Variants in CDKN2B-AS1 observed in about 807,000 individuals in gnomAD.
CDKN2B-AS1 encodes the protein CDKN2B antisense RNA 1 (non-protein coding).
intron 3 of CDKN2B-AS1, among the ~76,000 whole-genome samples, chr9:22,052,217 C>T (rs978281464): frequency 6.6e-6 from 1 of 152,072 alleles, no homozygotes; most frequent in African/African-American, 2.4e-5. Context: ...CTTGGAATTT[C>T]GAGGCTGGAT....
intron 4 of CDKN2B-AS1, among the ~76,000 whole-genome samples, chr9:22,067,729 A>G (rs1824118698): frequency 6.6e-6 from 1 of 152,164 alleles, no homozygotes; most frequent in African/African-American, 2.4e-5. Flanking sequence ...TTTTTTTGAA[A>G]ACAATAATGT....
Position 22,076,012 on chromosome 9 carries a change from T to C in CDKN2B-AS1, n.438+19625T>C, listed in dbSNP as rs916507402. On this transcript the variant is annotated intron_variant and non_coding_transcript_variant, in intron 4 of 4. Transcript: ENST00000650946. Reference sequence around the variant, plus strand: ...TCCTTTTAAAGTCAGGTATGATTGATAGGAAAGTCAAGTACTGGCATCCTC... The same window carrying C: ...TCCTTTTAAAGTCAGGTATGATTGACAGGAAAGTCAAGTACTGGCATCCTC... Among the ~76,000 whole-genome samples, 3 of 152,168 alleles carry C rather than the reference T, an allele frequency of 2.0e-5. 1 individual carries two copies. The highest frequency in any genetic ancestry group is 7.2e-5 in the African/African-American group (3 of 41,440).
intron 4 of CDKN2B-AS1, among the ~76,000 whole-genome samples, chr9:22,068,761 A>G (rs1199588004): frequency 6.6e-6 from 1 of 152,234 alleles, no homozygotes; most frequent in Non-Finnish European, 1.5e-5. Context: ...AATCAAGCAA[A>G]TGAAACATAA....
At chr9:22,014,694 G>C (rs949752063) in intron 1 of CDKN2B-AS1, among the ~76,000 whole-genome samples, 2 of 151,660 alleles carry the variant, frequency 1.3e-5, no homozygotes, top group Non-Finnish European at 2.9e-5. Flanking sequence ...GTGCCATGCT[G>C]GTGTGCTGCA....
intron 1 of CDKN2B-AS1, chr9:22,008,990 C>G (rs768552154): frequency 3.1e-6 from 5 of 1,613,456 alleles, no homozygotes; most frequent in Non-Finnish European, 4.2e-6. Context: ...CCGGATAATC[C>G]ACCGTTGGCC....
intron 4 of CDKN2B-AS1, among the ~76,000 whole-genome samples, chr9:22,074,805 C>G (rs1026665121): frequency 6.6e-6 from 1 of 152,218 alleles, no homozygotes; most frequent in Non-Finnish European, 1.5e-5. Flanking sequence ...CTGGAAAGCT[C>G]TATCTGGTTT....
chr9:22,008,671 A>G (rs1377393431), intron 1 of CDKN2B-AS1: 1 of 1,607,636 alleles, frequency 6.2e-7, no homozygotes, highest in African/African-American at 1.3e-5. Context: ...CGTGGAATGC[A>G]CACCTCCGGC....
chr9:22,005,367 CGAGG>C lies in CDKN2B-AS1; in HGVS notation n.29+10208_29+10211del. Reference sequence around the variant, plus strand: ...CCCTCTGCTATCTGGTGGAGTTGGGCGAGGGTCTCCAGGGCTTCCAGAGAGTGTC... The same window carrying C: ...CCCTCTGCTATCTGGTGGAGTTGGGCGTCTCCAGGGCTTCCAGAGAGTGTC... On this transcript the variant is annotated intron_variant and non_coding_transcript_variant, in intron 1 of 4. Coordinates refer to ENST00000650946, the Ensembl canonical transcript of CDKN2B-AS1. The surrounding 1 kb of genome is among the most constrained non-coding windows in gnomAD (Gnocchi z 4.9). 4.1e-6 allele frequency: 1 copy of C among 242,764 alleles called. No individual in the cohort carries two copies. Among genetic ancestry groups the C allele is most frequent in the Admixed American group, 5.1e-5 (1 of 19,752 alleles). The allele number at this position is 242,764 out of a possible 1,614,324, so 15.0% of individuals were successfully genotyped here. A position where few individuals can be genotyped will look rare whatever the true frequency, so the allele number is the denominator to read the frequency against.
At chr9:22,111,883 G>T (rs1391508448) in intron 4 of CDKN2B-AS1, among the ~76,000 whole-genome samples, 2 of 152,132 alleles carry the variant, frequency 1.3e-5, no homozygotes, top group African/African-American at 4.8e-5. Context: ...AGTGTTTGGT[G>T]TGGCAGTGAG....
intron 1 of CDKN2B-AS1, among the ~76,000 whole-genome samples, chr9:22,018,664 A>G (rs1351115580): frequency 6.6e-6 from 1 of 152,228 alleles, no homozygotes; most frequent in East Asian, 1.9e-4. Flanking sequence ...AAACAAACAA[A>G]GAAAAACATA....
chr9:22,073,748 TA>T (rs951754852), intron 4 of CDKN2B-AS1, among the ~76,000 whole-genome samples: 12 of 152,222 alleles, frequency 7.9e-5, no homozygotes, highest in Non-Finnish European at 1.8e-4. Flanking sequence ...GATTTATTTT[TA>T]AAACCAGTGT....
At chr9:22,060,862 C>T (rs1823788205) in intron 4 of CDKN2B-AS1, among the ~76,000 whole-genome samples, 1 of 152,062 alleles carries the variant, frequency 6.6e-6, no homozygotes, top group African/African-American at 2.4e-5. Flanking sequence ...CATCAGATCT[C>T]GTGAGACTTA....
chr9:22,127,680 G>C (rs1464738988), exon 5 of CDKN2B-AS1, among the ~76,000 whole-genome samples: 1 of 152,152 alleles, frequency 6.6e-6, no homozygotes, highest in Non-Finnish European at 1.5e-5. Flanking sequence ...GAGGAAGGGA[G>C]ACAGGAGGGT....
At chr9:22,121,653 G>A (rs1826106891) in intron 4 of CDKN2B-AS1, among the ~76,000 whole-genome samples, 1 of 152,062 alleles carries the variant, frequency 6.6e-6, no homozygotes, top group Non-Finnish European at 1.5e-5. Context: ...AACATGCGGT[G>A]TTTAGTAGGA....
intron 1 of CDKN2B-AS1, among the ~76,000 whole-genome samples, chr9:22,017,801 C>T (rs564203461): frequency 6.8e-6 from 1 of 146,770 alleles, no homozygotes; most frequent in East Asian, 1.9e-4. Flanking sequence ...ATTTAATGGG[C>T]CATTGCATGC....
intron 4 of CDKN2B-AS1, among the ~76,000 whole-genome samples, chr9:22,090,289 C>G (rs1029867188): frequency 6.6e-6 from 1 of 152,050 alleles, no homozygotes; most frequent in Non-Finnish European, 1.5e-5. Flanking sequence ...AATAAACATA[C>G]GTGTGCATGT....
chr9:22,031,642 G>T (rs1433800320), intron 1 of CDKN2B-AS1, among the ~76,000 whole-genome samples: 1 of 152,164 alleles, frequency 6.6e-6, no homozygotes, highest in African/African-American at 2.4e-5. Context: ...AAAAATAAAA[G>T]ATGAAACAAA....
chr9:22,066,828 A>G lies in CDKN2B-AS1; in HGVS notation n.438+10441A>G, dbSNP rs556831148. Among the ~76,000 whole-genome samples, 39 of 152,092 alleles carry G rather than the reference A, an allele frequency of 2.6e-4. 1 individual carries two copies. The highest frequency in any genetic ancestry group is 2.1e-4 in the South Asian group (1 of 4,826). On this transcript the variant is annotated intron_variant and non_coding_transcript_variant, in intron 4 of 4. Coordinates refer to ENST00000650946, the Ensembl canonical transcript of CDKN2B-AS1. ...TTGGAACCAACCCAAATGTCCATCA[A>G]TGATAGACTGGATTAAGAAAATGTG...
At chr9:22,018,124 G>T (rs957628023) in intron 1 of CDKN2B-AS1, among the ~76,000 whole-genome samples, 1 of 150,626 alleles carries the variant, frequency 6.6e-6, no homozygotes, top group African/African-American at 2.4e-5. Flanking sequence ...AGGAGTTCAA[G>T]ACCAGCCTGA....
Sources: gnomAD v4.1 joint callset for allele counts (sites outside exome capture counted in the v4.1 genomes callset) on GRCh38, gnomAD v4.1.1 for gene constraint, Gnocchi (gnomAD v3.1) non-coding constraint, MANE v1.5 for transcripts, NCBI Gene and HGNC (gene_info 2026-07-23, HGNC 2026-07-21) for gene names.